Variants in GFRA2 observed in about 807,000 individuals in gnomAD.
The protein encoded by GFRA2 is GDNF family receptor alpha 2.
GFRA2 carries 17 observed loss-of-function variants against 48.3 expected under a neutral mutation model. The observed-to-expected ratio is 0.35, with a 90% CI of 0.24 to 0.53. The LOEUF is 0.53. Among genes scored for constraint, GFRA2 ranks in the 20% least tolerant of loss-of-function variants. The pLI is 0.93. For synonymous variants in GFRA2, 305 were observed against 257.2 expected, an observed-to-expected ratio of 1.19 and a Z score of -1.78; for missense variants, 660 against 637.3, an observed-to-expected ratio of 1.04 and a Z score of -0.38.
At chr8:21,776,579 TCCC>T (rs1468322946) in intron 2 of GFRA2, among the ~76,000 whole-genome samples, 4 of 150,528 alleles carry the variant, frequency 2.7e-5, no homozygotes, top group Admixed American at 6.6e-5. Flanking sequence ...CAAGCGATCC[TCCC>T]ACCTCAGCCT....
chr8:21,782,089 C>T (rs2117070061), intron 2 of GFRA2, among the ~76,000 whole-genome samples: 2 of 151,950 alleles, frequency 1.3e-5, no homozygotes, highest in East Asian at 3.9e-4. Flanking sequence ...GGCAGGGCAG[C>T]AGCCATAGCA....
In GFRA2 at chr8:21,750,366, G is replaced by T. The variant is rs28552426; in HGVS notation, c.794+222C>A. Among the ~76,000 whole-genome samples, 2 of 152,200 alleles carry T rather than the reference G, an allele frequency of 1.3e-5. No individual in the cohort carries two copies. The highest frequency in any genetic ancestry group is 1.3e-4 in the Admixed American group (2 of 15,288). ...ATAAACCTGTTCTGAGTGAATGAATGAACAAATGAATGAATAAAGAAGTAG... is the reference window on the plus strand; with the variant it reads ...ATAAACCTGTTCTGAGTGAATGAATTAACAAATGAATGAATAAAGAAGTAG... On this transcript the variant is annotated intron_variant, in intron 4 of 8. Transcript: ENST00000524240. The surrounding 1 kb of genome is among the most constrained non-coding windows in gnomAD (Gnocchi z 5.7).
At position 21,788,412 on chromosome 8, in the gene GFRA2, G is replaced by A; in HGVS notation, c.-253C>T. On this transcript the variant is annotated 5_prime_UTR_variant, in exon 1 of 9. The change creates a new upstream start codon in the 5' untranslated region. Transcript: ENST00000524240. ...TTGCCCGCTACAATCAAATATACGCGTATCTGTGTATCGGCTTTCTAAGCC... is the reference window on the plus strand; with the variant it reads ...TTGCCCGCTACAATCAAATATACGCATATCTGTGTATCGGCTTTCTAAGCC... 1 of 1,295,858 alleles carries A rather than the reference G, an allele frequency of 7.7e-7. No homozygotes were observed. Among genetic ancestry groups the A allele is most frequent in the Non-Finnish European group, 9.8e-7 (1 of 1,024,244 alleles). 80.3% of individuals were successfully genotyped at this position (1,295,858 alleles called of 1,614,324 possible).
intron 3 of GFRA2, among the ~76,000 whole-genome samples, chr8:21,753,936 C>CA (rs1239285360): frequency 2.0e-5 from 3 of 152,220 alleles, no homozygotes; most frequent in African/African-American, 7.2e-5. Context: ...GGCGTGGCCA[C>CA]AGGGCCTTTG....
At position 21,788,211 on chromosome 8, in the gene GFRA2, T is replaced by A. The variant is rs897958480; in HGVS notation, c.-52A>T. 11 of 1,584,852 alleles carry A rather than the reference T, an allele frequency of 6.9e-6. No individual in the cohort carries two copies. The highest frequency in any genetic ancestry group is 6.9e-5 in the African/African-American group (5 of 72,476). Reference sequence around the variant, plus strand: ...TCTTTCTCCCTTGGGTAAAAAAAAATAATAGTAGTAACAACAACAATAATA... The same window carrying A: ...TCTTTCTCCCTTGGGTAAAAAAAAAAAATAGTAGTAACAACAACAATAATA... On this transcript the variant is annotated 5_prime_UTR_variant, in exon 1 of 9. Transcript: ENST00000524240.
At chr8:21,812,178 T>C (rs1293020697) in intron 1 of GFRA2, 1 of 152,218 alleles carries the variant, frequency 6.6e-6, no homozygotes, top group East Asian at 1.9e-4. Flanking sequence ...GGGACAGAAA[T>C]GGCCCAGGAC....
chr8:21,738,212 TCCTCCTCCTCC>T (rs756662221), intron 4 of GFRA2, among the ~76,000 whole-genome samples: 12,048 of 84,296 alleles, frequency 0.14, 975 homozygotes, highest in Middle Eastern at 0.33. Context: ...CTCCTCCCCC[TCCTCCTCCTCC>T]CCTCTTCCCC....
chr8:21,693,426 A>C, intron 8 of GFRA2, 26 bp from the exon 9 acceptor site: 1 of 1,583,714 alleles, frequency 6.3e-7, no homozygotes, highest in Non-Finnish European at 8.6e-7. Flanking sequence ...GAGAAGAATC[A>C]GGAACAAAGA....
At chr8:21,712,874 G>A (rs1271358011) in intron 4 of GFRA2, among the ~76,000 whole-genome samples, 1 of 152,142 alleles carries the variant, frequency 6.6e-6, no homozygotes, top group Non-Finnish European at 1.5e-5. Flanking sequence ...AGGCGTGGCG[G>A]TGCACGCCTG....
upstream of GFRA2, among the ~76,000 whole-genome samples, chr8:21,792,124 C>G (rs1807583497): frequency 6.6e-6 from 1 of 152,218 alleles, no homozygotes; most frequent in African/African-American, 2.4e-5. Context: ...TTCCCTTTCT[C>G]TTATCTCTCT....
chr8:21,764,040 A>G (rs1806039346), intron 3 of GFRA2, among the ~76,000 whole-genome samples: 1 of 150,736 alleles, frequency 6.6e-6, no homozygotes, highest in African/African-American at 2.4e-5. Context: ...TGAGGTCCCA[A>G]TCTCAAGCTC....
chr8:21,706,156 C>A (rs1802735128), intron 4 of GFRA2, 115 bp from the exon 5 acceptor site: 1 of 686,448 alleles, frequency 1.5e-6, no homozygotes, highest in Non-Finnish European at 2.5e-6. Context: ...GTGGAAGAAG[C>A]CAGGAAGAGG....
intron 4 of GFRA2, among the ~76,000 whole-genome samples, chr8:21,721,294 G>T (rs903993844): frequency 6.6e-6 from 1 of 152,168 alleles, no homozygotes; most frequent in Non-Finnish European, 1.5e-5. Context: ...CTGGTGGTTA[G>T]AAACTTGGAA....
At chr8:21,792,281 T>C (rs2117102775), upstream of GFRA2, among the ~76,000 whole-genome samples, 1 of 152,318 alleles carries the variant, frequency 6.6e-6, no homozygotes, top group South Asian at 2.1e-4. Flanking sequence ...CACAATCTTA[T>C]TCCTTTGTGA....
chr8:21,783,162 A>C, intron 1 of GFRA2: 8 of 629,908 alleles, frequency 1.3e-5, no homozygotes, highest in East Asian at 6.5e-5. Flanking sequence ...CAGCACAATA[A>C]AGCCAGGAAG....
chr8:21,760,283 G>T (rs1000694236), intron 3 of GFRA2, among the ~76,000 whole-genome samples: 3 of 152,196 alleles, frequency 2.0e-5, no homozygotes, highest in Admixed American at 6.5e-5. Context: ...GGAACTGAGG[G>T]TATATCTGAG....
At position 21,788,634 on chromosome 8, in the gene GFRA2, G is replaced by T; in HGVS notation, c.-475C>A. ...GCAAATAGAAAAGAAATCCACAGACGGGTGTCAGCGCCCAAGAACAATCCA... is the reference window on the plus strand; with the variant it reads ...GCAAATAGAAAAGAAATCCACAGACTGGTGTCAGCGCCCAAGAACAATCCA... On this transcript the variant is annotated 5_prime_UTR_variant, in exon 1 of 9. Coordinates refer to ENST00000524240, the MANE Select transcript of GFRA2 (RefSeq NM_001495.5). 1.0e-6 allele frequency: 1 copy of T among 987,116 alleles called. No individual in the cohort carries two copies. Among genetic ancestry groups the T allele is most frequent in the Non-Finnish European group, 1.2e-6 (1 of 831,164 alleles). 61.1% of individuals were successfully genotyped at this position (987,116 alleles called of 1,614,324 possible).
rs1801904711 is a variant in GFRA2 at position 21,692,123 on chromosome 8, A to AT, written c.*1154dup. ...ACTGGGGCAGGGCACTGCGGGGCCA[A>AT]TGTCCTTTTTCCCCATTATAGACAA... On this transcript the variant is annotated 3_prime_UTR_variant, in exon 9 of 9. Coordinates refer to ENST00000524240, the MANE Select transcript of GFRA2 (RefSeq NM_001495.5). 1 of 152,632 alleles carries AT rather than the reference A, an allele frequency of 6.6e-6. No individual in the cohort carries two copies. Among genetic ancestry groups the AT allele is most frequent in the African/African-American group, 2.4e-5 (1 of 41,458 alleles). The allele number at this position is 152,632 out of a possible 1,614,324, so 9.5% of individuals were successfully genotyped here. A position where few individuals can be genotyped will look rare whatever the true frequency, so the allele number is the denominator to read the frequency against.
intron 7 of GFRA2, among the ~76,000 whole-genome samples, chr8:21,699,838 C>T (rs925250088): frequency 1.3e-5 from 2 of 152,184 alleles, no homozygotes; most frequent in Non-Finnish European, 1.5e-5. Flanking sequence ...TCTCCTTCCA[C>T]CTGAACAAAG....
Sources: gnomAD v4.1 joint callset for allele counts (sites outside exome capture counted in the v4.1 genomes callset) on GRCh38, gnomAD v4.1.1 for gene constraint, Gnocchi (gnomAD v3.1) non-coding constraint, MANE v1.5 for transcripts, NCBI Gene and HGNC (gene_info 2026-07-23, HGNC 2026-07-21) for gene names.